The following IFT52 variants were observed in gnomAD, a reference collection of about 807,000 sequenced individuals.
IFT52 encodes the protein intraflagellar transport 52, also known as intraflagellar transport protein 52 homolog.
IFT52 carries 44 observed loss-of-function variants against 54.4 expected under a neutral mutation model. The observed-to-expected ratio is 0.81, with a 90% confidence interval of 0.63 to 1.04. The LOEUF (loss-of-function observed/expected upper bound fraction) is 1.04. Ranked by LOEUF, IFT52 falls within the 50% of genes least tolerant of loss-of-function variation. The pLI is 0.00. For missense variants in IFT52, 452 were observed against 523.6 expected, an observed-to-expected ratio of 0.86 and a Z score of 1.33; for synonymous variants, 181 against 185.3, an observed-to-expected ratio of 0.98 and a Z score of 0.19.
intron 9 of IFT52, 107 bp downstream of exon 9, chr20:43,621,032 A>T: frequency 6.5e-6 from 5 of 766,124 alleles, no homozygotes; most frequent in Non-Finnish European, 1.1e-5. Context: ...CTCATCTGTA[A>T]GACAGATGGA....
chr20:43,595,933 T>A (rs978676018), intron 2 of IFT52, among the ~76,000 whole-genome samples: 10 of 152,172 alleles, frequency 6.6e-5, no homozygotes, highest in African/African-American at 2.4e-4. Context: ...GCAATTAGGA[T>A]ATTATTAAAG....
intron 1 of IFT52, among the ~76,000 whole-genome samples, chr20:43,593,936 A>G (rs1376511786): frequency 6.6e-6 from 1 of 152,182 alleles, no homozygotes; most frequent in Admixed American, 6.5e-5. Flanking sequence ...ATACAAGGTT[A>G]GGTGAAACAG....
intron 8 of IFT52, among the ~76,000 whole-genome samples, chr20:43,620,150 C>A (rs1324199005): frequency 1.3e-5 from 2 of 151,942 alleles, no homozygotes; most frequent in African/African-American, 4.8e-5. Flanking sequence ...CTCCTGACTT[C>A]AGGTGATCCA....
At chr20:43,641,640 C>T (rs567402385) in intron 12 of IFT52, among the ~76,000 whole-genome samples, 8 of 139,518 alleles carry the variant, frequency 5.7e-5, no homozygotes, top group Non-Finnish European at 9.4e-5. Flanking sequence ...ATTACAGGTG[C>T]GCACCACCAT....
chr20:43,635,203 A>G (rs1985444656), intron 10 of IFT52, among the ~76,000 whole-genome samples: 2 of 149,040 alleles, frequency 1.3e-5, no homozygotes, highest in South Asian at 4.2e-4. Flanking sequence ...AAAAAAAAGG[A>G]CATGTGGTAT....
rs536687379 is a variant in IFT52 at position 43,634,977 on chromosome 20, T to C, written c.924-949T>C. On this transcript the variant is annotated intron_variant, in intron 10 of 13. Coordinates refer to ENST00000373030, the MANE Select transcript of IFT52 (RefSeq NM_016004.5). Reference sequence around the variant, plus strand: ...CGAGGTCAGGAGTTCAAGACCAGCCTGACCAACATGGTGAAACCCATCTCT... The same window carrying C: ...CGAGGTCAGGAGTTCAAGACCAGCCCGACCAACATGGTGAAACCCATCTCT... Among the ~76,000 whole-genome samples, 12 of 152,210 alleles carry C rather than the reference T, an allele frequency of 7.9e-5. No homozygotes were observed. In the East Asian group the frequency reaches 1.7e-3, roughly 22 times the overall value.
intron 3 of IFT52, among the ~76,000 whole-genome samples, chr20:43,603,515 T>G (rs1982616890): frequency 6.6e-6 from 1 of 152,222 alleles, no homozygotes; most frequent in Non-Finnish European, 1.5e-5. Flanking sequence ...GTTTTTCACT[T>G]TTGACTTGCT....
chr20:43,591,911 C>T (rs1020397341), intron 1 of IFT52, among the ~76,000 whole-genome samples: 2 of 152,006 alleles, frequency 1.3e-5, no homozygotes, highest in Non-Finnish European at 2.9e-5. Context: ...TGGGACTCAG[C>T]AGGAGCTTAC....
At position 43,591,429 on chromosome 20, in the gene IFT52, A is replaced by C. The variant is rs552312485; in HGVS notation, c.-7+375A>C. On this transcript the variant is annotated intron_variant, in intron 1 of 13. Coordinates refer to ENST00000373030, the MANE Select transcript of IFT52 (RefSeq NM_016004.5). ...GAGAATGGTTTGGCAGCGTTACCCA[A>C]ATATTTGTTATTTTTATAGTTTTAA... Among the ~76,000 whole-genome samples the C allele has an allele frequency of 2.0e-5, 3 of 152,330 alleles. No individual in the cohort carries two copies. The South Asian group carries it at 6.2e-4, about 32-fold the overall frequency.
intron 10 of IFT52, among the ~76,000 whole-genome samples, chr20:43,628,502 G>T (rs1009471963): frequency 2.0e-5 from 3 of 152,192 alleles, no homozygotes; most frequent in Non-Finnish European, 4.4e-5. Flanking sequence ...GAAGATTGTG[G>T]AAGTTCTCAG....
chr20:43,591,655 G>A (rs1981528434), intron 1 of IFT52, among the ~76,000 whole-genome samples: 1 of 152,154 alleles, frequency 6.6e-6, no homozygotes, highest in Non-Finnish European at 1.5e-5. Context: ...ATATGTGAAA[G>A]TAGCCAGGAA....
chr20:43,593,546 A>G (rs1010595859), intron 1 of IFT52, among the ~76,000 whole-genome samples: 1 of 152,184 alleles, frequency 6.6e-6, no homozygotes, highest in Non-Finnish European at 1.5e-5. Flanking sequence ...GATCCATAAA[A>G]TGAATACTGT....
chr20:43,591,188 G>A (rs1981481725), intron 1 of IFT52, 134 bp downstream of exon 1: 1 of 152,284 alleles, frequency 6.6e-6, no homozygotes, highest in South Asian at 2.1e-4. Flanking sequence ...GAAGTAAACT[G>A]TGGGCGCGGA....
chr20:43,596,739 T>C (rs1205163201), intron 3 of IFT52, among the ~76,000 whole-genome samples: 6 of 137,546 alleles, frequency 4.4e-5, no homozygotes, highest in Non-Finnish European at 9.3e-5. Context: ...CACACTTCTT[T>C]TTTTTTTTTT....
At chr20:43,634,378 A>G (rs1985381001) in intron 10 of IFT52, among the ~76,000 whole-genome samples, 1 of 152,216 alleles carries the variant, frequency 6.6e-6, no homozygotes, top group African/African-American at 2.4e-5. Flanking sequence ...ACACTAAATC[A>G]AAGAAAAAAA....
At chr20:43,608,030 C>T (rs1037849759) in intron 6 of IFT52, among the ~76,000 whole-genome samples, 3 of 132,926 alleles carry the variant, frequency 2.3e-5, no homozygotes, top group South Asian at 2.6e-4. Flanking sequence ...CGCCTGCAAT[C>T]ACAGGCACTC....
intron 10 of IFT52, among the ~76,000 whole-genome samples, chr20:43,633,661 T>C (rs925743543): frequency 3.3e-5 from 5 of 151,978 alleles, no homozygotes; most frequent in African/African-American, 1.2e-4. Context: ...TGAGCTGAGA[T>C]TGCACCACTG....
chr20:43,591,792 A>G (rs541785398), intron 1 of IFT52, among the ~76,000 whole-genome samples: 17 of 152,284 alleles, frequency 1.1e-4, no homozygotes, highest in Admixed American at 1.0e-3. Flanking sequence ...AGTCCTGGCT[A>G]CTTGGTAGGC....
Position 43,594,713 on chromosome 20 carries a change from G to A in IFT52, c.15G>A (p.Leu5=), listed in dbSNP as rs1488080405. 3.1e-6 allele frequency: 5 copies of A among 1,597,594 alleles called. No individual in the cohort carries two copies. The highest frequency in any genetic ancestry group is 4.3e-6 in the Non-Finnish European group (5 of 1,164,984). Residue 5 remains leucine (L), a synonymous_variant, in exon 2 of 14, where the codon CTG becomes CTA. Coordinates refer to ENST00000373030, the MANE Select transcript of IFT52 (RefSeq NM_016004.5). ...ATAAGGTAACCATGGAGAAAGAGCT[G>A]CGGAGCACCATTCTTTTCAATGCCT... MEKE[L]RSTILFNAYK... is the part of the protein sequence containing the mutation.
Sources: allele counts gnomAD v4.1 joint callset (sites outside exome capture counted in the v4.1 genomes callset), GRCh38; gene constraint gnomAD v4.1.1; transcripts MANE v1.5; gene names NCBI Gene and HGNC (gene_info 2026-07-23, HGNC 2026-07-21).